The following FILIP1 variants were observed in gnomAD, a reference collection of about 807,000 sequenced individuals.
The protein encoded by FILIP1 is filamin A interacting protein 1, also known as filamin-A-interacting protein 1.
Under a neutral mutation model 102.1 loss-of-function variants are expected in FILIP1, and 61 were observed. The ratio of observed to expected loss-of-function variants is 0.60; its 90% CI spans 0.49 to 0.74. The LOEUF is 0.74. Ranked by LOEUF, FILIP1 falls within the 30% of genes least tolerant of loss-of-function variation. FILIP1 has a pLI of 0.00. For missense variants in FILIP1, 1,314 were observed against 1,441.2 expected (o/e 0.91, Z 1.43); for synonymous variants, 491 against 526.9 (o/e 0.93, Z 0.93).
intron 4 of FILIP1, among the ~76,000 whole-genome samples, chr6:75,340,920 T>C (rs1283815049): frequency 1.3e-5 from 2 of 149,064 alleles, no homozygotes; most frequent in Admixed American, 6.8e-5. Flanking sequence ...GCGAGGCTGA[T>C]CTCGAACTCC....
chr6:75,360,013 C>T (rs529786721), intron 3 of FILIP1, among the ~76,000 whole-genome samples: 2 of 152,294 alleles, frequency 1.3e-5, no homozygotes, highest in South Asian at 2.1e-4. Flanking sequence ...ATGTTTTGAA[C>T]GCCACTCACT....
chr6:75,416,131 T>C lies in FILIP1; in HGVS notation c.-6-1153A>G, dbSNP rs112712278. On this transcript the variant is annotated intron_variant, in intron 1 of 5. Transcript: ENST00000237172. Reference sequence around the variant, plus strand: ...GATAAAATATAGGGACTTTGTTATATGAAAGTAAATTTCCTTTATGAACCC... The same window carrying C: ...GATAAAATATAGGGACTTTGTTATACGAAAGTAAATTTCCTTTATGAACCC... Among the ~76,000 whole-genome samples the C allele has an allele frequency of 3.9e-3, 589 of 152,276 alleles. 6 individuals are homozygous for C. Among genetic ancestry groups the C allele is most frequent in the African/African-American group, 0.014 (563 of 41,552 alleles).
At chr6:75,303,180 A>T (rs886308023), downstream of FILIP1, among the ~76,000 whole-genome samples, 3 of 144,838 alleles carry the variant, frequency 2.1e-5, no homozygotes, top group Admixed American at 2.0e-4. Flanking sequence ...GAGATGGAGA[A>T]TAATAAGAGA....
intron 2 of FILIP1, among the ~76,000 whole-genome samples, chr6:75,395,892 T>C (rs748294330): frequency 2.0e-5 from 3 of 152,142 alleles, no homozygotes; most frequent in Admixed American, 6.5e-5. Flanking sequence ...TTTTAAGCAC[T>C]AGCTTAACAG....
chr6:75,390,847 C>CT (rs1477743541), intron 2 of FILIP1, among the ~76,000 whole-genome samples: 1 of 151,990 alleles, frequency 6.6e-6, no homozygotes, highest in African/African-American at 2.4e-5. Flanking sequence ...TGCTGTTATT[C>CT]TCTCTAATAC....
At chr6:75,335,973 T>C (rs1167573019) in intron 4 of FILIP1, among the ~76,000 whole-genome samples, 1 of 152,238 alleles carries the variant, frequency 6.6e-6, no homozygotes, top group Non-Finnish European at 1.5e-5. Flanking sequence ...AAGTGTGTTT[T>C]CATTACAGGG....
chr6:75,451,029 C>T (rs1562617821), intron 1 of FILIP1, among the ~76,000 whole-genome samples: 1 of 151,950 alleles, frequency 6.6e-6, no homozygotes, highest in African/African-American at 2.4e-5. Flanking sequence ...TGCTAGTGGA[C>T]TTCTCATTTC....
In FILIP1 at chr6:75,313,318, A is replaced by G; in HGVS notation, c.2514T>C (p.Leu838=). The part of the protein sequence containing the change: ...FQEENHIMSN[L]RQVGLKKPVE... The stretch of plus-strand genomic sequence containing the variant: ...CGGGTTTCTTCAATCCCACCTGCCG[A>G]AGATTACTCATAATATGATTTTCTT... Residue 838 remains leucine, a synonymous_variant, in exon 5 of 6, where the codon CTT becomes CTC. Transcript: ENST00000237172. This position sits in a 1 kb window ranked among gnomAD's most constrained non-coding sequence, Gnocchi z 4.2. The G allele has an allele frequency of 6.2e-7, 1 of 1,614,236 alleles. No homozygotes were observed. Among genetic ancestry groups the G allele is most frequent in the Admixed American group, 1.7e-5 (1 of 60,028 alleles).
chr6:75,292,559 C>G (rs1249886176), exon 7 of FILIP1: 5 of 152,136 alleles, frequency 3.3e-5, no homozygotes. Flanking sequence ...CCAAAAAACT[C>G]AATTCTTATA....
At chr6:75,412,364 A>G (rs1777106554) in intron 2 of FILIP1, among the ~76,000 whole-genome samples, 1 of 152,162 alleles carries the variant, frequency 6.6e-6, no homozygotes, top group African/African-American at 2.4e-5. Flanking sequence ...ATCTGCACAC[A>G]GAGATAATTT....
At chr6:75,426,993 C>T (rs1416767013) in intron 1 of FILIP1, among the ~76,000 whole-genome samples, 1 of 152,102 alleles carries the variant, frequency 6.6e-6, no homozygotes, top group Non-Finnish European at 1.5e-5. Context: ...TCCCCCATTA[C>T]TTCCACCAGA....
chr6:75,373,757 C>T (rs1425193319), intron 2 of FILIP1, among the ~76,000 whole-genome samples: 1 of 152,018 alleles, frequency 6.6e-6, no homozygotes, highest in Non-Finnish European at 1.5e-5. Context: ...GCCTATAATC[C>T]CAGCACTGTA....
Position 75,313,551 on chromosome 6 carries a change from T to C in FILIP1, c.2281A>G (p.Lys761Glu). ...ACCTCCTGCCCCATGTTTTTGTTCT[T>C]ATTTTCTTCTTCCATAAATCTTTGT... ...LQQRFMEEEN[K>E]NKNMGQEVLN... The change falls in exon 5 of 6, where the codon AAG becomes GAG. Residue 761 changes from lysine (K) to glutamate (E), a missense_variant. This residue lies in a region of FILIP1 where 816 missense variants were observed against 913.1 expected (regional missense o/e 0.89). Transcript: ENST00000237172. This position sits in a 1 kb window ranked among gnomAD's most constrained non-coding sequence, Gnocchi z 4.2. 1 of 1,614,216 alleles carries C rather than the reference T, an allele frequency of 6.2e-7. No homozygotes were observed. The highest frequency in any genetic ancestry group is 2.2e-5 in the East Asian group (1 of 44,890).
chr6:75,324,618 G>A (rs910950915), intron 4 of FILIP1, among the ~76,000 whole-genome samples: 8 of 152,058 alleles, frequency 5.3e-5, no homozygotes, highest in African/African-American at 1.9e-4. Flanking sequence ...CCAAAAAAGA[G>A]CCCACATAGC....
At chr6:75,386,627 T>G (rs918523507) in intron 2 of FILIP1, among the ~76,000 whole-genome samples, 2 of 152,148 alleles carry the variant, frequency 1.3e-5, no homozygotes, top group Non-Finnish European at 2.9e-5. Context: ...AGCAAAACAT[T>G]TGAAGCATCT....
chr6:75,371,757 G>GT (rs1197581284), intron 2 of FILIP1, among the ~76,000 whole-genome samples: 1 of 152,150 alleles, frequency 6.6e-6, no homozygotes, highest in East Asian at 1.9e-4. Context: ...GGAAAACAGG[G>GT]TGTCCACATG....
intron 1 of FILIP1, among the ~76,000 whole-genome samples, chr6:75,457,301 AT>A (rs1342182339): frequency 6.6e-6 from 1 of 152,206 alleles, no homozygotes; most frequent in African/African-American, 2.4e-5. Flanking sequence ...GCTCTGTTTC[AT>A]TTGATTATCC....
In FILIP1 at chr6:75,353,661, C is replaced by G; in HGVS notation, c.507G>C (p.Leu169=). 2 of 1,614,162 alleles carry G rather than the reference C, an allele frequency of 1.2e-6. No homozygotes were observed. The highest frequency in any genetic ancestry group is 1.7e-6 in the Non-Finnish European group (2 of 1,180,044). The part of the protein sequence containing the change: ...KETYRRMLEQ[L]LLAEKCHRRT... ...GCCTATGACACTTCTCGGCCAGCAACAGCTGCTCTAGCATGCGCCGGTAGG... is the reference window on the plus strand; with the variant it reads ...GCCTATGACACTTCTCGGCCAGCAAGAGCTGCTCTAGCATGCGCCGGTAGG... The change falls in exon 4 of 6, where the codon CTG becomes CTC. Residue 169 remains leucine, a synonymous_variant. Transcript: ENST00000237172.
At position 75,313,134 on chromosome 6, in the gene FILIP1, C is replaced by T; in HGVS notation, c.2698G>A (p.Val900Ile). The change falls in exon 5 of 6, where the codon GTA becomes ATA. Residue 900 changes from valine (V) to isoleucine (I), a missense_variant. Transcript: ENST00000237172. The surrounding 1 kb of genome is among the most constrained non-coding windows in gnomAD (Gnocchi z 4.2). ...TGGCCCTGCTTTGGTGAAAGGACTACCTCTCCTGGGTGCCCTGGACTGGAA... is the reference window on the plus strand; with the variant it reads ...TGGCCCTGCTTTGGTGAAAGGACTATCTCTCCTGGGTGCCCTGGACTGGAA... ...TNSSPGHPGEVVLSPKQGQPL... is the reference protein window; with the variant it reads ...TNSSPGHPGEIVLSPKQGQPL... The T allele has an allele frequency of 6.2e-7, 1 of 1,614,162 alleles. No individual in the cohort carries two copies. Among genetic ancestry groups the T allele is most frequent in the African/African-American group, 1.3e-5 (1 of 75,030 alleles).
Sources: gnomAD v4.1 joint callset for allele counts (sites outside exome capture counted in the v4.1 genomes callset) on GRCh38, gnomAD v4.1.1 for gene constraint, gnomAD v4.1.1 regional missense constraint, Gnocchi (gnomAD v3.1) non-coding constraint, MANE v1.5 for transcripts, NCBI Gene and HGNC (gene_info 2026-07-23, HGNC 2026-07-21) for gene names.